The following TRIM37 variants were observed in gnomAD, a reference collection of about 807,000 sequenced individuals.
TRIM37 encodes E3 ubiquitin-protein ligase TRIM37.
A neutral mutation model predicts 129.8 loss-of-function variants in TRIM37; 80 were observed. The ratio of observed to expected loss-of-function variants is 0.62; its 90% CI spans 0.51 to 0.74. The LOEUF is 0.74. TRIM37 is among the 30% of genes least tolerant of loss of function. The pLI is 0.00. For synonymous variants in TRIM37, 389 were observed against 387.1 expected (o/e 1.00, Z -0.06); for missense variants, 1,054 against 1,176.5 (o/e 0.90, Z 1.52).
chr17:59,075,563 C>CAAAAAAAAAAAAAAAAAAAAAAAAA (rs34467573), intron 8 of TRIM37, 84 bp downstream of exon 8: 1 of 444,616 alleles, frequency 2.2e-6, no homozygotes, highest in Non-Finnish European at 3.6e-6. Context: ...GACTCCATCT[C>CAAAAAAAAAAAAAAAAAAAAAAAAA]AAAAAAAAAA....
chr17:59,053,114 G>T (rs953551667), intron 13 of TRIM37, among the ~76,000 whole-genome samples: 13 of 152,224 alleles, frequency 8.5e-5, no homozygotes, highest in African/African-American at 2.9e-4. Context: ...AAGTAAGACC[G>T]TCTAAACACT....
chr17:59,090,932 G>A (rs2044245151), intron 3 of TRIM37, among the ~76,000 whole-genome samples: 1 of 152,004 alleles, frequency 6.6e-6, no homozygotes, highest in African/African-American at 2.4e-5. Flanking sequence ...GCCCGGCCAA[G>A]CTATCTGGAT....
intron 12 of TRIM37, 67 bp downstream of exon 12, chr17:59,060,965 A>G: frequency 8.4e-7 from 1 of 1,188,048 alleles, no homozygotes; most frequent in Non-Finnish European, 1.2e-6. Context: ...AATAAAAATT[A>G]ACAAAAATTG....
intron 19 of TRIM37, among the ~76,000 whole-genome samples, chr17:59,021,154 G>A (rs755870211): frequency 6.6e-6 from 1 of 152,198 alleles, no homozygotes; most frequent in Non-Finnish European, 1.5e-5. Context: ...CACTTTGTAA[G>A]CCCGACTCAA....
the TRIM37 span, chr17:58,972,115 A>AT: frequency 6.2e-7 from 1 of 1,605,430 alleles, no homozygotes. Flanking sequence ...GTCTAGTTTT[A>AT]TTTAAACTGT....
chr17:59,082,065 T>C (rs1348890279), intron 5 of TRIM37, among the ~76,000 whole-genome samples: 1 of 148,528 alleles, frequency 6.7e-6, no homozygotes, highest in East Asian at 2.0e-4. Flanking sequence ...AGGTCAGGAG[T>C]TCGAGACCAG....
intron 2 of TRIM37, among the ~76,000 whole-genome samples, chr17:59,096,896 C>T (rs115032105): frequency 0.02 from 3,016 of 152,158 alleles, 31 homozygotes; most frequent in Middle Eastern, 0.044. Context: ...CCCAATAAAA[C>T]TAATTCAACA....
At chr17:59,009,434 A>AT (rs1157505081) in intron 22 of TRIM37, among the ~76,000 whole-genome samples, 2 of 135,292 alleles carry the variant, frequency 1.5e-5, no homozygotes, top group East Asian at 4.4e-4. Flanking sequence ...CAACCTTCCA[A>AT]TTTCTTTTCT....
At chr17:59,104,875 C>T (rs1376034029) in intron 1 of TRIM37, among the ~76,000 whole-genome samples, 1 of 151,842 alleles carries the variant, frequency 6.6e-6, no homozygotes, top group Non-Finnish European at 1.5e-5. Context: ...GTGGATCACT[C>T]GAGGTCGGGA....
At chr17:58,987,565 C>T (rs1413745499) in intron 24 of TRIM37, among the ~76,000 whole-genome samples, 1 of 152,222 alleles carries the variant, frequency 6.6e-6, no homozygotes, top group Non-Finnish European at 1.5e-5. Flanking sequence ...TTACCATTTG[C>T]TCTTAAGCAT....
chr17:59,021,029 T>C (rs1342280404), intron 19 of TRIM37, among the ~76,000 whole-genome samples: 7 of 152,206 alleles, frequency 4.6e-5, no homozygotes, highest in Admixed American at 4.6e-4. Flanking sequence ...TGCATTCCCA[T>C]GTTTACTACA....
chr17:59,075,720 GA>G lies in TRIM37; in HGVS notation c.617-7del. 6.2e-7 allele frequency: 1 copy of G among 1,600,684 alleles called. No homozygotes were observed. Among genetic ancestry groups the G allele is most frequent in the Non-Finnish European group, 8.5e-7 (1 of 1,169,680 alleles). On this transcript the variant is annotated splice_polypyrimidine_tract_variant and splice_region_variant and intron_variant, in intron 7 of 23. Coordinates refer to ENST00000262294, the MANE Select transcript of TRIM37 (RefSeq NM_015294.6). ...GGTTAGAGATGTCTTCTGACCTGATGAAAAATAGTGAATCATCAACACTTGG... is the reference window on the plus strand; with the variant it reads ...GGTTAGAGATGTCTTCTGACCTGATGAAAATAGTGAATCATCAACACTTGG...
intron 13 of TRIM37, among the ~76,000 whole-genome samples, chr17:59,054,734 G>T (rs1458819524): frequency 6.6e-6 from 1 of 151,988 alleles, no homozygotes; most frequent in Admixed American, 6.6e-5. Context: ...GCATAATCTC[G>T]GTTCACTGCA....
intron 19 of TRIM37, among the ~76,000 whole-genome samples, chr17:59,026,073 TA>T: frequency 6.6e-6 from 1 of 152,186 alleles, no homozygotes; most frequent in Admixed American, 6.5e-5. Context: ...CAGCCAATTT[TA>T]ATAAACAACA....
intron 24 of TRIM37, chr17:58,983,858 G>C (rs1046666196): frequency 3.3e-5 from 5 of 152,572 alleles, no homozygotes; most frequent in Non-Finnish European, 7.3e-5. Flanking sequence ...TGTAATATTG[G>C]TTAGGGAAAC....
At chr17:59,051,139 A>G in intron 14 of TRIM37, 75 bp downstream of exon 14, 4 of 926,060 alleles carry the variant, frequency 4.3e-6, no homozygotes, top group Non-Finnish European at 6.7e-6. Flanking sequence ...AATAAAATAT[A>G]TAAAATCTAA....
intron 12 of TRIM37, among the ~76,000 whole-genome samples, chr17:59,059,805 G>C (rs2041312956): frequency 6.6e-6 from 1 of 152,200 alleles, no homozygotes; most frequent in African/African-American, 2.4e-5. Context: ...GCAGTGTTCA[G>C]TCTAGGGCTA....
the TRIM37 span, chr17:58,972,704 C>G: frequency 1.2e-6 from 1 of 827,232 alleles, no homozygotes. Context: ...CTGTGCCCAC[C>G]CTCCAATGGA....
intron 2 of TRIM37, among the ~76,000 whole-genome samples, chr17:59,094,864 G>A (rs921127729): frequency 2.0e-5 from 3 of 152,172 alleles, no homozygotes; most frequent in Non-Finnish European, 4.4e-5. Flanking sequence ...TGGAGGCAGA[G>A]AAAAGGCCAG....
Sources: gnomAD v4.1 joint callset for allele counts (sites outside exome capture counted in the v4.1 genomes callset) on GRCh38, gnomAD v4.1.1 for gene constraint, MANE v1.5 for transcripts, NCBI Gene and HGNC (gene_info 2026-07-23, HGNC 2026-07-21) for gene names.